LRP10: variants seen among roughly 807,000 people sequenced by gnomAD.
LRP10 encodes the protein LDL receptor related protein 10.
Under a neutral mutation model 58.5 loss-of-function variants are expected in LRP10, and 42 were observed. The observed-to-expected ratio is 0.72, with a 90% CI of 0.56 to 0.93. The LOEUF (loss-of-function observed/expected upper bound fraction) is 0.93. Among genes scored for constraint, LRP10 ranks in the 40% least tolerant of loss-of-function variants. The pLI, the probability that LRP10 is intolerant of heterozygous loss-of-function variation, is 0.00. For synonymous variants in LRP10, 377 were observed against 388.5 expected, an observed-to-expected ratio of 0.97 and a Z score of 0.35; for missense variants, 872 against 940.1, an observed-to-expected ratio of 0.93 and a Z score of 0.95.
intron 5 of LRP10, 30 bp downstream of exon 5, chr14:22,876,402 A>G: frequency 6.2e-7 from 1 of 1,607,482 alleles, no homozygotes; most frequent in Non-Finnish European, 8.5e-7. Flanking sequence ...GCAGTAGAAG[A>G]GTAGACCCTG....
intron 3 of LRP10, among the ~76,000 whole-genome samples, chr14:22,873,692 C>CT (rs1339511265): frequency 6.6e-6 from 1 of 151,946 alleles, no homozygotes; most frequent in Non-Finnish European, 1.5e-5. Flanking sequence ...GCCCAGCTAA[C>CT]TTTTTTGTAT....
Position 22,877,878 on chromosome 14 carries a change from A to C in LRP10, c.*351A>C. On this transcript the variant is annotated 3_prime_UTR_variant, in exon 7 of 7. Transcript: ENST00000359591. The surrounding 1 kb of genome is among the most constrained non-coding windows in gnomAD (Gnocchi z 5.1). ...CCATCCTTGCCAAACCTCTACCCAA[A>C]AGTGGCCTTAAGCACCGGAATGCCA... The C allele has an allele frequency of 2.2e-5, 4 of 179,362 alleles. No homozygotes were observed. Among genetic ancestry groups the C allele is most frequent in the East Asian group, 1.4e-4 (1 of 7,176 alleles). 11.1% of individuals were successfully genotyped at this position (179,362 alleles called of 1,614,324 possible).
chr14:22,872,092 C>G lies in LRP10; in HGVS notation c.-212C>G, dbSNP rs1012781093. On this transcript the variant is annotated 5_prime_UTR_variant, in exon 1 of 7. Transcript: ENST00000359591. ...GCGGCGGCGGACGGAGAAAACAACT[C>G]CAAAGTTGGCGAAAGGCACCGCCCC... 4 of 602,148 alleles carry G rather than the reference C, an allele frequency of 6.6e-6. No individual in the cohort carries two copies. Among genetic ancestry groups the G allele is most frequent in the Non-Finnish European group, 8.8e-6 (3 of 339,032 alleles). 37.3% of individuals were successfully genotyped at this position (602,148 alleles called of 1,614,324 possible).
Position 22,872,193 on chromosome 14 carries a change from C to G in LRP10, c.-111C>G, listed in dbSNP as rs1175163042. On this transcript the variant is annotated 5_prime_UTR_variant, in exon 1 of 7. Coordinates refer to ENST00000359591, the MANE Select transcript of LRP10 (RefSeq NM_014045.5). Reference sequence around the variant, plus strand: ...ACGGGTCGAGCCCGGGCCATGGAGCCCCCCTGGGGAGGCGGCACCAGGGAG... The same window carrying G: ...ACGGGTCGAGCCCGGGCCATGGAGCGCCCCTGGGGAGGCGGCACCAGGGAG... 4.4e-6 allele frequency: 5 copies of G among 1,125,638 alleles called. No individual in the cohort carries two copies. Among genetic ancestry groups the G allele is most frequent in the Non-Finnish European group, 6.8e-6 (5 of 738,098 alleles). The allele number at this position is 1,125,638 out of a possible 1,614,324, so 69.7% of individuals were successfully genotyped here.
chr14:22,876,751 A>G lies in LRP10; in HGVS notation c.1487A>G (p.Tyr496Cys), dbSNP rs2040010692. 1 of 1,613,436 alleles carries G rather than the reference A, an allele frequency of 6.2e-7. No individual in the cohort carries two copies. The highest frequency in any genetic ancestry group is 8.5e-7 in the Non-Finnish European group (1 of 1,179,776). Residue 496 changes from tyrosine (Y) to cysteine (C), a missense_variant, in exon 6 of 7, where the codon TAC (tyrosine) becomes TGC (cysteine). Tyr to Cys is a radical substitution (Grantham distance 194). Transcript: ENST00000359591. ...EIVQQQAPPS[Y>C]GQLIAQGAIP... ...GTGCAGCAGCAGGCACCCCCTTCCT[A>G]CGGGCAGCTCATTGCCCAGGGTGCC... is the stretch of plus-strand genomic sequence containing the variant.
Position 22,875,677 on chromosome 14 carries a change from T to G in LRP10, c.729T>G (p.Phe243Leu). Residue 243 changes from phenylalanine (F) to leucine (L), a missense_variant, in exon 5 of 7, where the codon TTT becomes TTG. By Grantham distance (22) the Phe-to-Leu change is conservative. Transcript: ENST00000359591. The stretch of plus-strand genomic sequence containing the variant: ...GCTTCACAGCCCTGGACTTGGGCTT[T>G]GGAGATGCAGTGCATGTGTATGACG... ...AVRFTALDLG[F>L]GDAVHVYDGP... The G allele has an allele frequency of 6.2e-7, 1 of 1,614,114 alleles. No homozygotes were observed.
Position 22,878,148 on chromosome 14 carries a change from C to G in LRP10, c.*621C>G, listed in dbSNP as rs1417635361. The G allele has an allele frequency of 6.6e-6, 1 of 152,368 alleles. No homozygotes were observed. Among genetic ancestry groups the G allele is most frequent in the Admixed American group, 6.5e-5 (1 of 15,276 alleles). The allele number at this position is 152,368 out of a possible 1,614,324, so 9.4% of individuals were successfully genotyped here. Reference sequence around the variant, plus strand: ...CCATCTCAGTCTATGCTCACCTCATCCCACTCCTCCCTGTGGAGCCCTTTG... The same window carrying G: ...CCATCTCAGTCTATGCTCACCTCATGCCACTCCTCCCTGTGGAGCCCTTTG... On this transcript the variant is annotated 3_prime_UTR_variant, in exon 7 of 7. Transcript: ENST00000359591.
rs566949087 is a variant in LRP10, at chr14:22,872,675, A to T, written c.35-63A>T. ...CCCGGATGGCTCCCTTGAGTTGCTC[A>T]GGTGAAGAAGAAAACTCCTAAGGAG... On this transcript the variant is annotated intron_variant, in intron 1 of 6. Coordinates refer to ENST00000359591, the MANE Select transcript of LRP10 (RefSeq NM_014045.5). The T allele has an allele frequency of 2.6e-6, 4 of 1,538,802 alleles. No homozygotes were observed. In the African/African-American group the frequency reaches 5.5e-5, roughly 21 times the overall value.
Position 22,872,346 on chromosome 14 carries a change from C to A in LRP10, c.34+9C>A, listed in dbSNP as rs1595027246. ...CCTCCTCCTCCTCCTTGGTAAGAAC[C>A]GAAACGATACCAACCCCCAGCCTTC... On this transcript the variant is annotated intron_variant, in intron 1 of 6. Transcript: ENST00000359591. The A allele has an allele frequency of 6.2e-7, 1 of 1,613,996 alleles. No individual in the cohort carries two copies. The highest frequency in any genetic ancestry group is 8.5e-7 in the Non-Finnish European group (1 of 1,179,940).
chr14:22,872,421 A>G (rs2039964707), intron 1 of LRP10, 84 bp downstream of exon 1: 12 of 1,526,172 alleles, frequency 7.9e-6, no homozygotes, highest in Non-Finnish European at 1.1e-5. Context: ...CCCGCACTCT[A>G]TCCTGCCTGC....
In LRP10 at chr14:22,875,640, G is replaced by T; in HGVS notation, c.692G>T (p.Arg231Leu). 6.2e-7 allele frequency: 1 copy of T among 1,614,116 alleles called. No homozygotes were observed. Among genetic ancestry groups the T allele is most frequent in the Non-Finnish European group, 8.5e-7 (1 of 1,180,034 alleles). ...CTGCTGGACCCCCATGATGGCCGGC[G>T]GCTGGCCGTGCGCTTCACAGCCCTG... ...HWLLDPHDGR[R>L]LAVRFTALDL... Residue 231 changes from arginine (R) to leucine (L), a missense_variant, in exon 5 of 7, where the codon CGG becomes CTG. Physicochemically the swap from Arg to Leu is moderately radical, Grantham distance 102. Coordinates refer to ENST00000359591, the MANE Select transcript of LRP10 (RefSeq NM_014045.5).
At chr14:22,876,510 A>C (rs2040008077) in intron 5 of LRP10, 138 bp downstream of exon 5, 2 of 1,330,168 alleles carry the variant, frequency 1.5e-6, no homozygotes, top group East Asian at 4.7e-5. Context: ...CCTGTAAGGG[A>C]CAGGTCCAGA....
intron 2 of LRP10, 61 bp downstream of exon 2, chr14:22,872,843 A>ACT (rs1036428978): frequency 2.6e-6 from 4 of 1,542,920 alleles, no homozygotes; most frequent in Non-Finnish European, 3.6e-6. Context: ...GTCGAGAAGG[A>ACT]CTCTCTGTTC....
At position 22,877,320 on chromosome 14, in the gene LRP10, C is replaced by T. The variant is rs748235175; in HGVS notation, c.1935C>T (p.Pro645=). ...PEAPGPLPSL[P]LEPSLLSGVV... ...CCCCAGGGCCACTGCCCTCACTGCC[C>T]CTAGAGCCATCACTATTGTCTGGAG... The change falls in exon 7 of 7, where the codon CCC becomes CCT. Residue 645 remains proline (P), a synonymous_variant. Transcript: ENST00000359591. This position sits in a 1 kb window ranked among gnomAD's most constrained non-coding sequence, Gnocchi z 5.1. 66 of 1,612,156 alleles carry T rather than the reference C, an allele frequency of 4.1e-5. No homozygotes were observed. Among genetic ancestry groups the T allele is most frequent in the Non-Finnish European group, 5.4e-5 (64 of 1,179,076 alleles).
At chr14:22,873,164 A>T in intron 2 of LRP10, 147 bp from the exon 3 acceptor site, 1 of 920,458 alleles carries the variant, frequency 1.1e-6, no homozygotes, top group Non-Finnish European at 1.7e-6. Context: ...GAAGGCTGTA[A>T]CTCTAGGCTG....
chr14:22,872,986 T>C, intron 2 of LRP10: 1 of 622,798 alleles, frequency 1.6e-6, no homozygotes, highest in Non-Finnish European at 2.8e-6. Context: ...TTTCTGGGAA[T>C]ATCTATGCTT....
At position 22,873,290 on chromosome 14, in the gene LRP10, G is replaced by A. The variant is rs200843875; in HGVS notation, c.80-21G>A. On this transcript the variant is annotated intron_variant, in intron 2 of 6. Transcript: ENST00000359591. ...TGCAAAGGGGCTGTCTACTACCCGT[G>A]TCCTACCTTCCTCTCTCCAGCTTGT... The A allele has an allele frequency of 6.6e-5, 106 of 1,608,112 alleles. 1 individual carries two copies. In the East Asian group the frequency reaches 1.3e-3, roughly 20 times the overall value.
At position 22,879,275 on chromosome 14, in the gene LRP10, GGGAA is replaced by G. The variant is rs895125268; in HGVS notation, c.*1750_*1753del. ...TCTGGGACCCTGGCACCTTGGCTCA[GGGAA>G]GACCCGAGCTCCTTTCACTGCAGAC... On this transcript the variant is annotated 3_prime_UTR_variant, in exon 7 of 7. Transcript: ENST00000359591. 5 of 454,064 alleles carry G rather than the reference GGGAA, an allele frequency of 1.1e-5. No individual in the cohort carries two copies. Among genetic ancestry groups the G allele is most frequent in the African/African-American group, 1.0e-4 (5 of 50,018 alleles). The allele number at this position is 454,064 out of a possible 1,614,324, so 28.1% of individuals were successfully genotyped here. A position where few individuals can be genotyped will look rare whatever the true frequency, so the allele number is the denominator to read the frequency against.
At chr14:22,876,404 T>C (rs2040007037) in intron 5 of LRP10, 32 bp downstream of exon 5, 1 of 1,606,568 alleles carries the variant, frequency 6.2e-7, no homozygotes. Context: ...AGTAGAAGAG[T>C]AGACCCTGAG....
Sources: allele counts gnomAD v4.1 joint callset (sites outside exome capture counted in the v4.1 genomes callset), GRCh38; gene constraint gnomAD v4.1.1; non-coding constraint Gnocchi (gnomAD v3.1); transcripts MANE v1.5; gene names NCBI Gene and HGNC (gene_info 2026-07-23, HGNC 2026-07-21).